Variants in CARMIL1 observed in about 807,000 individuals in gnomAD.
The protein encoded by CARMIL1 is F-actin-uncapping protein LRRC16A.
In CARMIL1, 90 loss-of-function variants were observed where a neutral mutation model predicts 177.1. The ratio of observed to expected loss-of-function variants is 0.51; its 90% CI spans 0.43 to 0.61. CARMIL1 has a LOEUF of 0.61. Ranked by LOEUF, CARMIL1 falls within the 20% of genes least tolerant of loss-of-function variation. The pLI is 0.00. For missense variants in CARMIL1, 1,380 were observed against 1,667.0 expected (o/e 0.83, Z 3.00); for synonymous variants, 577 against 606.2 (o/e 0.95, Z 0.71).
intron 35 of CARMIL1, among the ~76,000 whole-genome samples, chr6:25,608,916 T>C (rs1467367548): frequency 6.6e-6 from 1 of 152,196 alleles, no homozygotes; most frequent in Admixed American, 6.5e-5. Flanking sequence ...TCCAGTCTTT[T>C]GGCTTCCCTG....
chr6:25,593,258 A>G (rs949313315), intron 31 of CARMIL1, among the ~76,000 whole-genome samples: 5 of 152,154 alleles, frequency 3.3e-5, no homozygotes, highest in Non-Finnish European at 7.4e-5. Flanking sequence ...ATTACATTAA[A>G]TTATTCAAGA....
intron 2 of CARMIL1, among the ~76,000 whole-genome samples, chr6:25,294,743 A>T (rs1782261193): frequency 6.6e-6 from 1 of 152,236 alleles, no homozygotes; most frequent in African/African-American, 2.4e-5. Context: ...AGTCCTTGGA[A>T]GATGTTGTTT....
intron 26 of CARMIL1, among the ~76,000 whole-genome samples, chr6:25,547,849 C>T (rs1437382289): frequency 2.0e-5 from 3 of 152,006 alleles, no homozygotes; most frequent in East Asian, 1.9e-4. Context: ...ACTGAGGTTC[C>T]GACTGTATGG....
At chr6:25,516,917 G>T (rs946699313) in intron 21 of CARMIL1, among the ~76,000 whole-genome samples, 1 of 152,186 alleles carries the variant, frequency 6.6e-6, no homozygotes, top group Admixed American at 6.5e-5. Flanking sequence ...GTGTTTTACT[G>T]TTTGGGGGGA....
chr6:25,441,353 G>GTGTGTGTGTA lies in CARMIL1; in HGVS notation c.371+5758_371+5759insATGTGTGTGT, dbSNP rs1554196438. On this transcript the variant is annotated intron_variant, in intron 5 of 36. Transcript: ENST00000329474. ...TATATATATATGTGTGTGTGTGTGT[G>GTGTGTGTGTA]TGTGTGTGTGTGTGTGTGTCTATGT... Among the ~76,000 whole-genome samples the GTGTGTGTGTA allele has an allele frequency of 7.5e-3, 1,045 of 139,960 alleles. 34 individuals are homozygous for GTGTGTGTGTA. Among genetic ancestry groups the GTGTGTGTGTA allele is most frequent in the African/African-American group, 0.026 (926 of 35,938 alleles). The allele number at this position is 139,960 out of a possible 152,430, so 91.8% of individuals were successfully genotyped here. A position where few individuals can be genotyped will look rare whatever the true frequency, so the allele number is the denominator to read the frequency against.
chr6:25,419,781 A>G (rs1205727872), intron 2 of CARMIL1, among the ~76,000 whole-genome samples: 1 of 152,090 alleles, frequency 6.6e-6, no homozygotes, highest in African/African-American at 2.4e-5. Flanking sequence ...ATATAGTGAG[A>G]CTTGTGACTA....
At chr6:25,296,643 CT>C (rs1782385242) in intron 2 of CARMIL1, among the ~76,000 whole-genome samples, 1 of 152,116 alleles carries the variant, frequency 6.6e-6, no homozygotes, top group South Asian at 2.1e-4. Context: ...GCCACACTCA[CT>C]TGCAGAATCT....
chr6:25,581,745 A>G (rs1813141671), intron 31 of CARMIL1, among the ~76,000 whole-genome samples: 1 of 152,186 alleles, frequency 6.6e-6, no homozygotes, highest in Non-Finnish European at 1.5e-5. Flanking sequence ...TAGGATAGGA[A>G]ATCCTTATTC....
Position 25,461,275 on chromosome 6 carries a change from C to T in CARMIL1, c.615-4598C>T, listed in dbSNP as rs561937900. 4.6e-5 allele frequency among the ~76,000 whole-genome samples: 7 copies of T among 152,312 alleles called. 1 individual carries two copies. The highest frequency in any genetic ancestry group is 6.5e-5 in the Admixed American group (1 of 15,292). On this transcript the variant is annotated intron_variant, in intron 8 of 36. Coordinates refer to ENST00000329474, the MANE Select transcript of CARMIL1 (RefSeq NM_017640.6). Reference sequence around the variant, plus strand: ...AACATTTCTGTTCGAAAGTTTTCTACGACTACCTTGCGTGCATGAAGTCAT... The same window carrying T: ...AACATTTCTGTTCGAAAGTTTTCTATGACTACCTTGCGTGCATGAAGTCAT...
chr6:25,315,181 C>T (rs1044653074), intron 2 of CARMIL1, among the ~76,000 whole-genome samples: 1 of 152,290 alleles, frequency 6.6e-6, no homozygotes, highest in South Asian at 2.1e-4. Context: ...GTGGATGAGG[C>T]TCTATGTCTT....
intron 24 of CARMIL1, among the ~76,000 whole-genome samples, chr6:25,530,883 T>C (rs769238198): frequency 3.3e-5 from 5 of 152,228 alleles, no homozygotes; most frequent in African/African-American, 7.2e-5. Flanking sequence ...GGGGCAGCCA[T>C]AATCACAACT....
chr6:25,459,274 T>TTCTTTCTTCCTTTCTTCC (rs1302680954), intron 8 of CARMIL1, among the ~76,000 whole-genome samples: 1 of 30,980 alleles, frequency 3.2e-5, no homozygotes, highest in Non-Finnish European at 7.6e-5. Context: ...TTCTTTTTTT[T>TTCTTTCTTCCTTTCTTCC]TTTTTTAAGA....
chr6:25,527,734 A>G (rs1807301600), intron 23 of CARMIL1: 3 of 435,456 alleles, frequency 6.9e-6, no homozygotes, highest in African/African-American at 4.1e-5. Context: ...GGAAAGGTAC[A>G]TTTTGTTCTG....
At chr6:25,279,887 C>T (rs908933226) in intron 1 of CARMIL1, 52 bp downstream of exon 1, 13 of 1,587,528 alleles carry the variant, frequency 8.2e-6, no homozygotes, top group Middle Eastern at 1.7e-4. Flanking sequence ...TACTCCTCAC[C>T]TCTCTCTCCC....
chr6:25,585,910 T>C (rs1052606986), intron 31 of CARMIL1, among the ~76,000 whole-genome samples: 1 of 152,214 alleles, frequency 6.6e-6, no homozygotes, highest in Non-Finnish European at 1.5e-5. Flanking sequence ...GAATTTTTCT[T>C]AGTACAGAAG....
intron 20 of CARMIL1, among the ~76,000 whole-genome samples, chr6:25,513,613 C>T (rs1262956939): frequency 6.6e-6 from 1 of 152,206 alleles, no homozygotes; most frequent in African/African-American, 2.4e-5. Context: ...CACCCTCATT[C>T]TGTCTCCTGT....
intron 4 of CARMIL1, among the ~76,000 whole-genome samples, chr6:25,427,027 C>T (rs752717500): frequency 1.3e-4 from 20 of 152,162 alleles, no homozygotes; most frequent in Admixed American, 2.6e-4. Context: ...ACTCTGTCTT[C>T]GCCCTCTTCC....
At chr6:25,521,661 C>T (rs912450092) in intron 23 of CARMIL1, among the ~76,000 whole-genome samples, 2 of 150,588 alleles carry the variant, frequency 1.3e-5, no homozygotes, top group Non-Finnish European at 2.9e-5. Flanking sequence ...CCCAGCTACT[C>T]GGAAGGCTGA....
intron 2 of CARMIL1, among the ~76,000 whole-genome samples, chr6:25,399,915 C>T (rs575020142): frequency 1.3e-5 from 2 of 152,154 alleles, no homozygotes; most frequent in Non-Finnish European, 2.9e-5. Context: ...TATACATCCT[C>T]TTATTTAATC....
Sources: allele counts gnomAD v4.1 joint callset (sites outside exome capture counted in the v4.1 genomes callset), GRCh38; gene constraint gnomAD v4.1.1; transcripts MANE v1.5; gene names NCBI Gene and HGNC (gene_info 2026-07-23, HGNC 2026-07-21).